Variants in RPS6KA5 observed in about 807,000 individuals in gnomAD.
The protein encoded by RPS6KA5 is ribosomal protein S6 kinase alpha-5.
Under a neutral mutation model 85.5 loss-of-function variants are expected in RPS6KA5, and 27 were observed. The observed-to-expected ratio is 0.32, with a 90% confidence interval of 0.23 to 0.44. The LOEUF (loss-of-function observed/expected upper bound fraction) is 0.44. RPS6KA5 is among the 20% of genes least tolerant of loss of function. RPS6KA5 has a pLI of 1.00. For missense variants in RPS6KA5, 811 were observed against 980.9 expected (o/e 0.83, Z 2.31); for synonymous variants, 334 against 348.2 (o/e 0.96, Z 0.46).
At chr14:91,033,817 T>G (rs577522867) in intron 1 of RPS6KA5, among the ~76,000 whole-genome samples, 1 of 152,018 alleles carries the variant, frequency 6.6e-6, no homozygotes, top group South Asian at 2.1e-4. Context: ...CCAGGAGAGA[T>G]GAAACAAAAA....
chr14:91,022,626 A>T (rs12892268), intron 1 of RPS6KA5, among the ~76,000 whole-genome samples: 1 of 151,996 alleles, frequency 6.6e-6, no homozygotes, highest in African/African-American at 2.4e-5. Flanking sequence ...CATGGTTTGC[A>T]TGGTTTCTGA....
chr14:90,915,817 AT>A (rs2036090130), intron 7 of RPS6KA5, among the ~76,000 whole-genome samples: 1 of 151,846 alleles, frequency 6.6e-6, no homozygotes, highest in Non-Finnish European at 1.5e-5. Context: ...CATTAAAAAA[AT>A]AAATAAATAA....
chr14:90,881,500 T>C (rs1844435197), intron 14 of RPS6KA5, among the ~76,000 whole-genome samples: 2 of 151,876 alleles, frequency 1.3e-5, no homozygotes, highest in Non-Finnish European at 1.5e-5. Context: ...CTGAGCTCTT[T>C]TTTGTTTGTT....
chr14:90,932,544 A>G (rs2037041206), intron 5 of RPS6KA5, among the ~76,000 whole-genome samples: 1 of 152,136 alleles, frequency 6.6e-6, no homozygotes, highest in African/African-American at 2.4e-5. Context: ...TGGTTATTTT[A>G]TATCATCTCC....
chr14:91,044,808 T>C (rs1013868939), intron 1 of RPS6KA5, among the ~76,000 whole-genome samples: 23 of 149,066 alleles, frequency 1.5e-4, no homozygotes, highest in African/African-American at 5.2e-4. Context: ...GAGGCAGAGG[T>C]TGCAGTGAGC....
chr14:90,900,215 G>A lies in RPS6KA5; in HGVS notation c.1272C>T (p.Asp424=), dbSNP rs753545853. The change falls in exon 11 of 17, where the codon GAC becomes GAT. Residue 424 remains aspartate (D), a synonymous_variant. Transcript: ENST00000614987. ...MKDSPFYQHY[D]LDLKDKPLGE... ...CCAGGGGTTTGTCCTTCAAATCTAG[G>A]TCATAGTGTTGATAGAATGGAGAGT... The A allele has an allele frequency of 5.0e-6, 8 of 1,598,932 alleles. No homozygotes were observed. In the South Asian group the frequency reaches 9.1e-5, roughly 18 times the overall value.
At chr14:91,043,716 T>C (rs552189386) in intron 1 of RPS6KA5, among the ~76,000 whole-genome samples, 4 of 152,300 alleles carry the variant, frequency 2.6e-5, no homozygotes, top group Middle Eastern at 3.4e-3. Context: ...GGTACAAAAC[T>C]GGATCCTATC....
intron 2 of RPS6KA5, among the ~76,000 whole-genome samples, chr14:90,986,266 C>A (rs1296778508): frequency 1.3e-5 from 2 of 152,126 alleles, no homozygotes; most frequent in East Asian, 3.8e-4. Context: ...AAATTACCTA[C>A]ACATACCAAC....
At chr14:91,051,741 G>A (rs1474418043) in intron 1 of RPS6KA5, among the ~76,000 whole-genome samples, 5 of 151,724 alleles carry the variant, frequency 3.3e-5, no homozygotes, top group South Asian at 2.1e-4. Flanking sequence ...CACCTGCCTC[G>A]GCCTCCCAAA....
At chr14:90,993,831 C>T (rs2040405923) in intron 2 of RPS6KA5, among the ~76,000 whole-genome samples, 1 of 152,160 alleles carries the variant, frequency 6.6e-6, no homozygotes, top group African/African-American at 2.4e-5. Flanking sequence ...TTTCTTTGAA[C>T]AGTGCCTCTA....
intron 1 of RPS6KA5, among the ~76,000 whole-genome samples, chr14:91,030,021 T>C (rs1373006622): frequency 6.6e-6 from 1 of 151,930 alleles, no homozygotes; most frequent in East Asian, 1.9e-4. Context: ...CTCAGCAGAA[T>C]GGGAAAAGGT....
At chr14:91,017,327 C>T (rs2041546769) in intron 1 of RPS6KA5, among the ~76,000 whole-genome samples, 1 of 152,208 alleles carries the variant, frequency 6.6e-6, no homozygotes, top group Non-Finnish European at 1.5e-5. Flanking sequence ...CTTCCCTGCA[C>T]ACAATATTTC....
chr14:91,045,200 A>C (rs1820352837), intron 1 of RPS6KA5, among the ~76,000 whole-genome samples: 1 of 152,128 alleles, frequency 6.6e-6, no homozygotes, highest in Non-Finnish European at 1.5e-5. Context: ...AGCATCTTCA[A>C]ACACACATTT....
intron 5 of RPS6KA5, among the ~76,000 whole-genome samples, chr14:90,939,094 G>A (rs2037435637): frequency 6.6e-6 from 1 of 152,170 alleles, no homozygotes; most frequent in Admixed American, 6.5e-5. Flanking sequence ...TTGCTGCTTA[G>A]TAATTTCTTC....
At chr14:90,893,423 T>G (rs998329299) in intron 13 of RPS6KA5, among the ~76,000 whole-genome samples, 2 of 152,206 alleles carry the variant, frequency 1.3e-5, no homozygotes, top group African/African-American at 4.8e-5. Context: ...CAAATATATT[T>G]TAATGCACAG....
chr14:91,008,884 T>TA (rs1173649908), intron 1 of RPS6KA5, among the ~76,000 whole-genome samples: 1 of 152,150 alleles, frequency 6.6e-6, no homozygotes, highest in Non-Finnish European at 1.5e-5. Flanking sequence ...AAATGATTGC[T>TA]AAAAAACAAT....
chr14:90,892,084 C>T (rs2034597820), intron 13 of RPS6KA5, among the ~76,000 whole-genome samples: 1 of 151,800 alleles, frequency 6.6e-6, no homozygotes. Context: ...CTGCAACCTC[C>T]ACCTCCTGGA....
intron 13 of RPS6KA5, among the ~76,000 whole-genome samples, chr14:90,893,450 T>C (rs1351480425): frequency 6.6e-6 from 1 of 152,190 alleles, no homozygotes; most frequent in Non-Finnish European, 1.5e-5. Flanking sequence ...ATTTTAAAAA[T>C]TTTCTTTTCC....
At chr14:90,944,498 G>A (rs532628302) in intron 4 of RPS6KA5, among the ~76,000 whole-genome samples, 23 of 152,058 alleles carry the variant, frequency 1.5e-4, no homozygotes, top group Middle Eastern at 3.4e-3. Context: ...GCTAACGCCC[G>A]TAATCCCAAC....
Sources: allele counts gnomAD v4.1 joint callset (sites outside exome capture counted in the v4.1 genomes callset), GRCh38; gene constraint gnomAD v4.1.1; transcripts MANE v1.5; gene names NCBI Gene and HGNC (gene_info 2026-07-23, HGNC 2026-07-21).